Variants in METTL27 observed in about 807,000 individuals in gnomAD.
The protein encoded by METTL27 is methyltransferase-like protein 27.
METTL27 carries 29 observed loss-of-function variants against 24.5 expected under a neutral mutation model. That is an observed-to-expected ratio of 1.18 (90% CI 0.88 to 1.61). The LOEUF (loss-of-function observed/expected upper bound fraction) is 1.61, where lower values mean the gene tolerates loss of function less well. Among genes scored for constraint, METTL27 ranks in the 40% most tolerant of loss-of-function variants. The probability of loss-of-function intolerance (pLI) is 0.00; values close to 1 mark genes in which losing one functional copy is unlikely to be tolerated. For missense variants in METTL27, 341 were observed against 324.3 expected, an observed-to-expected ratio of 1.05 and a Z score of -0.40; for synonymous variants, 138 against 146.8, an observed-to-expected ratio of 0.94 and a Z score of 0.43.
chr7:73,840,593 C>T, intron 3 of METTL27, 44 bp from the exon 4 acceptor site: 2 of 1,530,324 alleles, frequency 1.3e-6, no homozygotes, highest in Non-Finnish European at 8.8e-7. Context: ...ACACCTGCCA[C>T]TTCCCGGCTG....
intron 5 of METTL27, 162 bp from the exon 6 acceptor site, chr7:73,835,164 T>A (rs1788128764): frequency 9.7e-6 from 7 of 721,036 alleles, no homozygotes; most frequent in Non-Finnish European, 1.4e-5. Context: ...CTCTCCCTCC[T>A]CTCCCTCCTC....
At chr7:73,840,943 T>C in intron 3 of METTL27, 127 bp downstream of exon 3, 1 of 1,332,522 alleles carries the variant, frequency 7.5e-7, no homozygotes, top group Non-Finnish European at 9.7e-7. Context: ...ACAGTATGCC[T>C]GGTCCTGTCT....
At chr7:73,837,497 AAG>A (rs1355672908) in intron 5 of METTL27, among the ~76,000 whole-genome samples, 1 of 150,342 alleles carries the variant, frequency 6.7e-6, no homozygotes, top group African/African-American at 2.4e-5. Context: ...AAAAAAGAAA[AAG>A]AAATTCTTCC....
At chr7:73,835,371 G>A (rs971046835) in intron 5 of METTL27, among the ~76,000 whole-genome samples, 2 of 144,164 alleles carry the variant, frequency 1.4e-5, no homozygotes, top group Admixed American at 6.8e-5. Context: ...TTGCAGACTC[G>A]CGCCGCCACG....
intron 3 of METTL27, 92 bp downstream of exon 3, chr7:73,840,978 A>G: frequency 7.2e-7 from 1 of 1,381,196 alleles, no homozygotes; most frequent in Non-Finnish European, 9.4e-7. Context: ...AGTGAGTCTG[A>G]GGTGTGGGGC....
chr7:73,836,521 G>T (rs1584336418), intron 5 of METTL27, among the ~76,000 whole-genome samples: 1 of 80,328 alleles, frequency 1.2e-5, no homozygotes, highest in Non-Finnish European at 2.6e-5. Flanking sequence ...GCCCCATCCG[G>T]GAGGGAGGTG....
Position 73,834,727 on chromosome 7 carries a change from G to T in METTL27, c.*16C>A. On this transcript the variant is annotated 3_prime_UTR_variant, in exon 6 of 6. Coordinates refer to ENST00000297873, the MANE Select transcript of METTL27 (RefSeq NM_152559.3). ...CACATGGAGTCAGGGGCCAGCTGGG[G>T]GCTGGGGGCTGGATCTCACTTCCTC... The T allele has an allele frequency of 6.2e-7, 1 of 1,606,392 alleles. No individual in the cohort carries two copies. Among genetic ancestry groups the T allele is most frequent in the Non-Finnish European group, 8.5e-7 (1 of 1,175,024 alleles).
intron 5 of METTL27, 137 bp from the exon 6 acceptor site, chr7:73,835,139 C>G: frequency 7.6e-7 from 1 of 1,323,454 alleles, no homozygotes; most frequent in Non-Finnish European, 9.8e-7. Flanking sequence ...CTCCCTCTCC[C>G]TCTCCCTCTC....
At chr7:73,842,358 G>A (rs1223738919) in intron 1 of METTL27, 132 bp downstream of exon 1, 7 of 684,862 alleles carry the variant, frequency 1.0e-5, no homozygotes, top group Non-Finnish European at 1.3e-5. Context: ...AGGGCAAGGT[G>A]GGAGAAGGGG....
intron 5 of METTL27, 163 bp from the exon 6 acceptor site, chr7:73,835,165 C>G: frequency 1.4e-6 from 1 of 739,008 alleles, no homozygotes; most frequent in South Asian, 1.9e-5. Context: ...TCTCCCTCCT[C>G]TCCCTCCTCT....
rs781897293 is a variant in METTL27 at position 73,840,095 on chromosome 7, G to A, written c.414C>T (p.Val138=). 2.0e-5 allele frequency: 32 copies of A among 1,577,786 alleles called. No homozygotes were observed. Among genetic ancestry groups the A allele is most frequent in the South Asian group, 3.3e-5 (3 of 90,014 alleles). Residue 138 remains valine (V), a synonymous_variant, in exon 5 of 6, where the codon GTC becomes GTT. Coordinates refer to ENST00000297873, the MANE Select transcript of METTL27 (RefSeq NM_152559.3). ...PEGTFDAVLI[V]GALSDGQVPC... ...GCACCTGGCCGTCACTGAGGGCACC[G>A]ACTATCAGCACCGCGTCGAAGGTCC...
intron 1 of METTL27, 66 bp from the exon 2 acceptor site, chr7:73,842,210 C>T (rs1788386481): frequency 6.5e-7 from 1 of 1,536,478 alleles, no homozygotes; most frequent in Non-Finnish European, 8.7e-7. Flanking sequence ...TTTCCCCCTT[C>T]CCTCCTCCCC....
chr7:73,839,710 G>A (rs1788296935), intron 5 of METTL27: 1 of 301,574 alleles, frequency 3.3e-6, no homozygotes, highest in Non-Finnish European at 6.1e-6. Context: ...GATTTCACCT[G>A]ATTCTCACTG....
Position 73,840,055 on chromosome 7 carries a change from G to T in METTL27, c.454C>A (p.Pro152Thr), listed in dbSNP as rs1376598763. ...CCTGGCTTGGTGACATGTAGCTCAG[G>T]TATCGCATTGCAGGGCACCTGGCCG... ...SDGQVPCNAI[P>T]ELHVTKPGGL... Residue 152 changes from proline to threonine, a missense_variant, in exon 5 of 6, where the codon CCT (proline) becomes ACT (threonine). Physicochemically the swap from Pro to Thr is conservative, Grantham distance 38 (BLOSUM62 -1). Transcript: ENST00000297873. 6 of 1,610,850 alleles carry T rather than the reference G, an allele frequency of 3.7e-6. No homozygotes were observed. The highest frequency in any genetic ancestry group is 5.1e-6 in the Non-Finnish European group (6 of 1,178,714).
At position 73,840,128 on chromosome 7, in the gene METTL27, TGTGTGGGG is replaced by T; in HGVS notation, c.389-16_389-9del. The T allele has an allele frequency of 2.3e-5, 28 of 1,210,804 alleles. 1 individual carries two copies. The highest frequency in any genetic ancestry group is 3.1e-5 in the Non-Finnish European group (28 of 906,532). The allele number at this position is 1,210,804 out of a possible 1,614,324, so 75.0% of individuals were successfully genotyped here. ...GCACCGCGTCGAAGGTCCCTGTGTGTGTGTGGGGGGGGGTGGGGACATGGTGTGATGCT... is the reference window on the plus strand; with the variant it reads ...GCACCGCGTCGAAGGTCCCTGTGTGTGGGGGTGGGGACATGGTGTGATGCT... On this transcript the variant is annotated splice_polypyrimidine_tract_variant and intron_variant, in intron 4 of 5. Transcript: ENST00000297873.
chr7:73,836,132 G>A (rs1788180824), intron 5 of METTL27, among the ~76,000 whole-genome samples: 1 of 111,572 alleles, frequency 9.0e-6, no homozygotes, highest in Non-Finnish European at 2.1e-5. Context: ...GAGGGAGGTG[G>A]GGGGGTCAGC....
chr7:73,840,172 T>C, intron 4 of METTL27, 52 bp from the exon 5 acceptor site: 4 of 1,562,862 alleles, frequency 2.6e-6, no homozygotes, highest in Non-Finnish European at 3.5e-6. Context: ...TGGAAGGTAC[T>C]TTGTCTATGG....
intron 5 of METTL27, among the ~76,000 whole-genome samples, chr7:73,839,333 G>C (rs760266945): frequency 6.6e-6 from 1 of 152,082 alleles, no homozygotes; most frequent in Non-Finnish European, 1.5e-5. Flanking sequence ...CACGGCTCTC[G>C]TGGGGCCACC....
At position 73,842,024 on chromosome 7, in the gene METTL27, G is replaced by A. The variant is rs782286110; in HGVS notation, c.117C>T (p.Tyr39=). 1.9e-6 allele frequency: 3 copies of A among 1,614,138 alleles called. No individual in the cohort carries two copies. The highest frequency in any genetic ancestry group is 1.1e-5 in the South Asian group (1 of 91,082). Reference sequence around the variant, plus strand: ...AGGCCCCAAATGAGTTTACCTGGTCGTAGTCCGGAGCCCAGCGGTCATAGA... The same window carrying A: ...AGGCCCCAAATGAGTTTACCTGGTCATAGTCCGGAGCCCAGCGGTCATAGA... ...LHFYDRWAPD[Y]DQDVATLLYR... Residue 39 remains tyrosine, a synonymous_variant, in exon 2 of 6, where the codon TAC becomes TAT. Coordinates refer to ENST00000297873, the MANE Select transcript of METTL27 (RefSeq NM_152559.3).
Sources: allele counts gnomAD v4.1 joint callset (sites outside exome capture counted in the v4.1 genomes callset), GRCh38; gene constraint gnomAD v4.1.1; transcripts MANE v1.5; gene names NCBI Gene and HGNC (gene_info 2026-07-23, HGNC 2026-07-21).